GRIK5: variants seen among roughly 807,000 people sequenced by gnomAD.
GRIK5 encodes glutamate receptor ionotropic, kainate 5.
Under a neutral mutation model 97.4 loss-of-function variants are expected in GRIK5, and 43 were observed. That is an observed-to-expected ratio of 0.44 (90% CI 0.35 to 0.57). The LOEUF is 0.57. GRIK5 is among the 20% of genes least tolerant of loss of function. The pLI, the probability that GRIK5 is intolerant of heterozygous loss-of-function variation, is 0.01. For missense variants in GRIK5, 1,015 were observed against 1,382.0 expected, an observed-to-expected ratio of 0.73 and a Z score of 4.21; for synonymous variants, 580 against 583.5, an observed-to-expected ratio of 0.99 and a Z score of 0.09.
chr19:42,065,526 G>GCT lies in GRIK5; in HGVS notation c.80-141_80-140dup. On this transcript the variant is annotated intron_variant, in intron 2 of 19. Coordinates refer to ENST00000593562, the MANE Select transcript of GRIK5 (RefSeq NM_002088.5). The surrounding 1 kb of genome is among the most constrained non-coding windows in gnomAD (Gnocchi z 5.8). ...ACACCTGGATCTGAGGTTGGTGGGA[G>GCT]CTAGGGGTCTGGACTCCTGGGTCCT... 1 of 1,013,420 alleles carries GCT rather than the reference G, an allele frequency of 9.9e-7. No individual in the cohort carries two copies. Among genetic ancestry groups the GCT allele is most frequent in the Non-Finnish European group, 1.4e-6 (1 of 701,920 alleles). The allele number at this position is 1,013,420 out of a possible 1,614,324, so 62.8% of individuals were successfully genotyped here. A position where few individuals can be genotyped will look rare whatever the true frequency, so the allele number is the denominator to read the frequency against.
intron 12 of GRIK5, among the ~76,000 whole-genome samples, chr19:42,030,784 A>G (rs1348686751): frequency 3.3e-5 from 5 of 152,068 alleles, no homozygotes; most frequent in Non-Finnish European, 1.5e-5. Flanking sequence ...TTTTGTATCC[A>G]GACTGGACCC....
At chr19:42,066,143 G>A (rs920420587) in intron 1 of GRIK5, among the ~76,000 whole-genome samples, 1 of 152,054 alleles carries the variant, frequency 6.6e-6, no homozygotes, top group African/African-American at 2.4e-5. Flanking sequence ...GAATTCCTGG[G>A]ACCAGCCCCA....
In GRIK5 at chr19:42,048,348, G is replaced by A. The variant is rs550094277; in HGVS notation, c.1269+5254C>T. Among the ~76,000 whole-genome samples, 4 of 152,270 alleles carry A rather than the reference G, an allele frequency of 2.6e-5. No individual in the cohort carries two copies. The East Asian group carries it at 5.8e-4, about 22-fold the overall frequency. ...TAAATAACTCACAATCAGGCTGGGC[G>A]CAGTGGCTCACGCCTGTAATCCCGG... On this transcript the variant is annotated intron_variant, in intron 11 of 19. Transcript: ENST00000593562.
At chr19:42,044,579 T>C (rs1343538886) in intron 11 of GRIK5, among the ~76,000 whole-genome samples, 7 of 152,236 alleles carry the variant, frequency 4.6e-5, no homozygotes, top group African/African-American at 1.7e-4. Context: ...AAATGGTTGT[T>C]TGTACAATGT....
chr19:42,054,206 G>A, intron 9 of GRIK5, 114 bp downstream of exon 9: 1 of 1,132,976 alleles, frequency 8.8e-7, no homozygotes, highest in Non-Finnish European at 1.3e-6. Context: ...AGGGGAGGCA[G>A]TGGGTACGGT....
chr19:42,054,938 G>A (rs186882096), intron 8 of GRIK5, among the ~76,000 whole-genome samples: 68 of 152,276 alleles, frequency 4.5e-4, no homozygotes, highest in African/African-American at 1.6e-3. Flanking sequence ...ATGATTGGTC[G>A]CGGGCCTGGG....
At chr19:42,045,570 C>T (rs1418201608) in intron 11 of GRIK5, among the ~76,000 whole-genome samples, 1 of 152,176 alleles carries the variant, frequency 6.6e-6, no homozygotes, top group Non-Finnish European at 1.5e-5. Context: ...AATAGAATCT[C>T]CTACTATGTG....
chr19:42,006,004 C>T lies in GRIK5; in HGVS notation c.2038-56G>A. On this transcript the variant is annotated intron_variant, in intron 16 of 19. Transcript: ENST00000593562. The surrounding 1 kb of genome is among the most constrained non-coding windows in gnomAD (Gnocchi z 5.3). ...GAGGGTCTTTCCAGCCGCTTCCTTT[C>T]CCCGAGCCCTTCCCATCCTCCAGGA... 1.1e-6 allele frequency: 1 copy of T among 891,504 alleles called. No homozygotes were observed. Among genetic ancestry groups the T allele is most frequent in the South Asian group, 1.4e-5 (1 of 70,188 alleles). 55.2% of individuals were successfully genotyped at this position (891,504 alleles called of 1,614,324 possible).
Position 42,042,656 on chromosome 19 carries a change from G to A in GRIK5, c.1369C>T (p.Leu457=). ...CGCAGGCGGTAGCGGAAGCGCAGCA[G>A]CTCGGCCAGCTCCCGCAGCATGTCC... ...CVDMLRELAE[L]LRFRYRLRLV... Residue 457 remains leucine (L), a synonymous_variant, in exon 12 of 20, where the codon CTG becomes TTG. Coordinates refer to ENST00000593562, the MANE Select transcript of GRIK5 (RefSeq NM_002088.5). The surrounding 1 kb of genome is among the most constrained non-coding windows in gnomAD (Gnocchi z 6.9). The A allele has an allele frequency of 1.2e-6, 2 of 1,613,440 alleles. No individual in the cohort carries two copies. The highest frequency in any genetic ancestry group is 1.7e-6 in the Non-Finnish European group (2 of 1,179,954).
In GRIK5 at chr19:42,042,514, G is replaced by A. The variant is rs377676644; in HGVS notation, c.1473+38C>T. On this transcript the variant is annotated intron_variant, in intron 12 of 19. Transcript: ENST00000593562. This position sits in a 1 kb window ranked among gnomAD's most constrained non-coding sequence, Gnocchi z 6.9. ...AGCTGCCCGCCCTCCCTCACTCGCC[G>A]GGTCCATGCATCTTTCCCGGCCCCA... is the stretch of plus-strand genomic sequence containing the variant. The A allele has an allele frequency of 3.9e-5, 60 of 1,556,490 alleles. No homozygotes were observed. The highest frequency in any genetic ancestry group is 1.6e-4 in the South Asian group (14 of 89,456).
chr19:42,039,970 A>C (rs1013915077), intron 12 of GRIK5, among the ~76,000 whole-genome samples: 14 of 151,738 alleles, frequency 9.2e-5, no homozygotes, highest in Non-Finnish European at 1.8e-4. Flanking sequence ...ACAGAGAGAG[A>C]CCCAGTCTCA....
Position 42,056,687 on chromosome 19 carries a change from T to A in GRIK5, c.878A>T (p.Glu293Val), listed in dbSNP as rs775632270. 6.8e-6 allele frequency: 11 copies of A among 1,613,880 alleles called. No individual in the cohort carries two copies. The highest frequency in any genetic ancestry group is 4.2e-6 in the Non-Finnish European group (5 of 1,179,916). The change falls in exon 8 of 20, where the codon GAA becomes GTA. Residue 293 changes from glutamate (E) to valine (V), a missense_variant. Glu to Val is a moderately radical substitution (Grantham distance 121, BLOSUM62 -2). Around this residue, in one of 5 missense-constraint regions of GRIK5, gnomAD observed 477 missense variants for 701.1 expected, o/e 0.68. Transcript: ENST00000593562. ...SLNMSWRENCEASTYLGPALS... is the reference protein window; with the variant it reads ...SLNMSWRENCVASTYLGPALS... ...CGCAGGGCCCAGGTAGGTGCTGGCTTCACAGTTCTCCCTCCAGGACATGTT... is the reference window on the plus strand; with the variant it reads ...CGCAGGGCCCAGGTAGGTGCTGGCTACACAGTTCTCCCTCCAGGACATGTT...
chr19:42,051,724 AC>A (rs1245949651), intron 11 of GRIK5, among the ~76,000 whole-genome samples: 1 of 152,022 alleles, frequency 6.6e-6, no homozygotes, highest in Non-Finnish European at 1.5e-5. Flanking sequence ...TTGCCCAGAA[AC>A]CCATGTCAGG....
At chr19:42,058,912 A>T (rs942599607) in intron 6 of GRIK5, among the ~76,000 whole-genome samples, 27 of 152,146 alleles carry the variant, frequency 1.8e-4, no homozygotes, top group African/African-American at 5.8e-4. Context: ...AAAATCCTTC[A>T]GAGCTACGAT....
chr19:42,059,604 C>T (rs1268337786), intron 5 of GRIK5, 77 bp from the exon 6 acceptor site: 2 of 1,269,188 alleles, frequency 1.6e-6, no homozygotes, highest in East Asian at 4.7e-5. Flanking sequence ...TCCTCCTCAA[C>T]ATGGGGCAGC....
intron 15 of GRIK5, among the ~76,000 whole-genome samples, chr19:42,020,839 G>A (rs2075686962): frequency 6.6e-6 from 1 of 152,114 alleles, no homozygotes; most frequent in Non-Finnish European, 1.5e-5. Context: ...ATAAAAATGG[G>A]CAACCAGCAG....
At chr19:42,055,925 C>T (rs2076177857) in intron 8 of GRIK5, among the ~76,000 whole-genome samples, 1 of 152,092 alleles carries the variant, frequency 6.6e-6, no homozygotes, top group Non-Finnish European at 1.5e-5. Context: ...TAAAGTGATC[C>T]TCCTGCCTCA....
At position 42,065,658 on chromosome 19, in the gene GRIK5, G is replaced by GA. The variant is rs1490760261; in HGVS notation, c.79+33dup. On this transcript the variant is annotated intron_variant, in intron 2 of 19. Transcript: ENST00000593562. This position sits in a 1 kb window ranked among gnomAD's most constrained non-coding sequence, Gnocchi z 5.8. ...GGTCCCCAGAGGAGCCCCAGGGCCT[G>GA]AGGATGCAGGGGCAGGGTGCGGGAG... 6.6e-7 allele frequency: 1 copy of GA among 1,517,826 alleles called. No homozygotes were observed. 94.0% of individuals were successfully genotyped at this position (1,517,826 alleles called of 1,614,324 possible).
At chr19:42,034,880 A>G (rs2075883221) in intron 12 of GRIK5, among the ~76,000 whole-genome samples, 1 of 151,268 alleles carries the variant, frequency 6.6e-6, no homozygotes, top group Non-Finnish European at 1.5e-5. Context: ...AGGAGGGGAC[A>G]AGGAGCACCT....
Sources: gnomAD v4.1 joint callset for allele counts (sites outside exome capture counted in the v4.1 genomes callset) on GRCh38, gnomAD v4.1.1 for gene constraint, gnomAD v4.1.1 regional missense constraint, Gnocchi (gnomAD v3.1) non-coding constraint, MANE v1.5 for transcripts, NCBI Gene and HGNC (gene_info 2026-07-23, HGNC 2026-07-21) for gene names.